GNG7: variants seen among roughly 807,000 people sequenced by gnomAD.
GNG7 encodes the protein guanine nucleotide-binding protein G(I)/G(S)/G(O) subunit gamma-7.
Under a neutral mutation model 4.0 loss-of-function variants are expected in GNG7, and 1 was observed. That is an observed-to-expected ratio of 0.25 (90% CI 0.09 to 1.18). GNG7 has a LOEUF of 1.18. Ranked by LOEUF, GNG7 falls within the 50% of genes most tolerant of loss-of-function variation. The pLI is 0.50. For missense variants in GNG7, 86 were observed against 91.9 expected, an observed-to-expected ratio of 0.94 and a Z score of 0.26; for synonymous variants, 34 against 36.9, an observed-to-expected ratio of 0.92 and a Z score of 0.29.
chr19:2,630,537 G>A (rs1305050463), intron 2 of GNG7, among the ~76,000 whole-genome samples: 2 of 152,036 alleles, frequency 1.3e-5, no homozygotes, highest in Non-Finnish European at 2.9e-5. Context: ...AGGCCAAGTG[G>A]CCTGAGAGTG....
intron 2 of GNG7, among the ~76,000 whole-genome samples, chr19:2,607,003 T>G (rs1981405099): frequency 6.6e-6 from 1 of 151,238 alleles, no homozygotes; most frequent in African/African-American, 2.4e-5. Flanking sequence ...GGGGGATCAT[T>G]TGAGCCCAGG....
chr19:2,568,896 A>G (rs558721206), intron 2 of GNG7, among the ~76,000 whole-genome samples: 176 of 152,214 alleles, frequency 1.2e-3, no homozygotes, highest in African/African-American at 4.1e-3. Flanking sequence ...GTGCACACAC[A>G]TATCCACACT....
chr19:2,645,379 T>C (rs560915173), intron 2 of GNG7, among the ~76,000 whole-genome samples: 2 of 151,880 alleles, frequency 1.3e-5, no homozygotes, highest in East Asian at 1.9e-4. Flanking sequence ...GCTTGGACTC[T>C]AGGCACCTGC....
intron 2 of GNG7, among the ~76,000 whole-genome samples, chr19:2,570,956 C>A (rs1479111316): frequency 2.0e-4 from 29 of 143,454 alleles, no homozygotes; most frequent in Admixed American, 2.0e-3. Flanking sequence ...CGCCACCACG[C>A]CTGGCTAATG....
chr19:2,582,091 T>C (rs765122202), intron 2 of GNG7, among the ~76,000 whole-genome samples: 8 of 152,128 alleles, frequency 5.3e-5, no homozygotes, highest in Middle Eastern at 3.4e-3. Flanking sequence ...AAAAAATCAA[T>C]AAAAGTGAAC....
intron 1 of GNG7, among the ~76,000 whole-genome samples, chr19:2,661,906 CTGAG>C (rs1983190273): frequency 6.8e-6 from 1 of 146,906 alleles, no homozygotes; most frequent in African/African-American, 2.5e-5. Context: ...TTCCTAACTC[CTGAG>C]TGAGGGTGGA....
At chr19:2,696,128 GC>G (rs1233707756) in intron 1 of GNG7, among the ~76,000 whole-genome samples, 1 of 150,468 alleles carries the variant, frequency 6.6e-6, no homozygotes, top group Non-Finnish European at 1.5e-5. Flanking sequence ...CTGCACTCCA[GC>G]CCGGGAGACA....
chr19:2,690,650 G>C (rs899822610), intron 1 of GNG7, among the ~76,000 whole-genome samples: 1 of 151,896 alleles, frequency 6.6e-6, no homozygotes, highest in African/African-American at 2.4e-5. Flanking sequence ...CTGGAGTGCA[G>C]TGGCACAATC....
chr19:2,679,409 A>G (rs779869195), intron 1 of GNG7, among the ~76,000 whole-genome samples: 4 of 152,150 alleles, frequency 2.6e-5, no homozygotes, highest in Non-Finnish European at 4.4e-5. Context: ...CAGCAATAAC[A>G]GTGATAACCA....
intron 3 of GNG7, among the ~76,000 whole-genome samples, chr19:2,526,222 G>C (rs1316006847): frequency 6.6e-6 from 1 of 151,466 alleles, no homozygotes; most frequent in Non-Finnish European, 1.5e-5. Flanking sequence ...CGCCTGCCTC[G>C]GCCTCCCAGA....
At chr19:2,535,049 C>G (rs1179368177) in intron 3 of GNG7, among the ~76,000 whole-genome samples, 1 of 152,212 alleles carries the variant, frequency 6.6e-6, no homozygotes, top group African/African-American at 2.4e-5. Flanking sequence ...GTCAAGTTAA[C>G]ACATAAAATT....
chr19:2,568,146 T>C (rs1486877349), intron 2 of GNG7, among the ~76,000 whole-genome samples: 3 of 141,484 alleles, frequency 2.1e-5, no homozygotes, highest in Non-Finnish European at 3.1e-5. Context: ...CATATACACA[T>C]GCACACACAT....
At chr19:2,594,405 GGGAAGGAAGGAAGGAAGGAA>G (rs36015482) in intron 2 of GNG7, among the ~76,000 whole-genome samples, 8 of 136,868 alleles carry the variant, frequency 5.8e-5, no homozygotes, top group South Asian at 2.3e-4. Context: ...GAAAGAAGGA[GGGAAGGAAGGAAGGAAGGAA>G]GGAAGGAAGG....
chr19:2,670,555 C>T (rs1045292748), intron 1 of GNG7, among the ~76,000 whole-genome samples: 2 of 152,228 alleles, frequency 1.3e-5, no homozygotes, highest in Non-Finnish European at 2.9e-5. Context: ...TGAGCTGCCT[C>T]GGGCATGGCT....
chr19:2,532,815 G>A (rs1285168197), intron 3 of GNG7, among the ~76,000 whole-genome samples: 1 of 152,180 alleles, frequency 6.6e-6, no homozygotes, highest in East Asian at 1.9e-4. Flanking sequence ...GGAGGATGTA[G>A]AAGAACTGGA....
At chr19:2,588,159 C>T (rs1255000658) in intron 2 of GNG7, among the ~76,000 whole-genome samples, 2 of 152,268 alleles carry the variant, frequency 1.3e-5, no homozygotes, top group Non-Finnish European at 1.5e-5. Flanking sequence ...AGAAATACGG[C>T]ACTTCACAGG....
chr19:2,571,588 C>CTTTTTTTTTTTTTTTTTTTT (rs779497111), intron 2 of GNG7, among the ~76,000 whole-genome samples: 5 of 68,016 alleles, frequency 7.4e-5, no homozygotes, highest in African/African-American at 1.3e-4. Context: ...CATTTCTTTC[C>CTTTTTTTTTTTTTTTTTTTT]TTTTTTTTTT....
Position 2,573,703 on chromosome 19 carries a change from C to T in GNG7, c.-77-18515G>A, listed in dbSNP as rs573777437. On this transcript the variant is annotated intron_variant, in intron 2 of 4. Coordinates refer to ENST00000382159, the MANE Select transcript of GNG7 (RefSeq NM_052847.3). ...ACTAAAAATACAAAAATTAGCCAGG[C>T]GTGGTCGTGGGCGCCTGTAATCCCA... Among the ~76,000 whole-genome samples, 235 of 152,054 alleles carry T rather than the reference C, an allele frequency of 1.5e-3. 2 individuals carry two copies. The highest frequency in any genetic ancestry group is 4.5e-3 in the African/African-American group (187 of 41,490).
chr19:2,596,208 A>G (rs987525958), intron 2 of GNG7, among the ~76,000 whole-genome samples: 1 of 151,902 alleles, frequency 6.6e-6, no homozygotes, highest in Non-Finnish European at 1.5e-5. Flanking sequence ...AAAATACAAA[A>G]ATTAGCCGGG....
Sources: gnomAD v4.1 joint callset for allele counts (sites outside exome capture counted in the v4.1 genomes callset) on GRCh38, gnomAD v4.1.1 for gene constraint, MANE v1.5 for transcripts, NCBI Gene and HGNC (gene_info 2026-07-23, HGNC 2026-07-21) for gene names.